The following KIF6 variants were observed in gnomAD, a reference collection of about 807,000 sequenced individuals.
The protein encoded by KIF6 is kinesin family member 6.
A neutral mutation model predicts 112.7 loss-of-function variants in KIF6; 106 were observed. The observed-to-expected ratio is 0.94, with a 90% CI of 0.80 to 1.11. KIF6 has a LOEUF of 1.11. Among genes scored for constraint, KIF6 ranks in the 50% least tolerant of loss-of-function variants. KIF6 has a pLI of 0.00. For missense variants in KIF6, 929 were observed against 964.0 expected (o/e 0.96, Z 0.48); for synonymous variants, 339 against 339.9 (o/e 1.00, Z 0.03).
At chr6:39,553,406 T>G (rs533648883) in intron 10 of KIF6, among the ~76,000 whole-genome samples, 1 of 152,208 alleles carries the variant, frequency 6.6e-6, no homozygotes, top group Non-Finnish European at 1.5e-5. Context: ...TCTTGATACT[T>G]TTAGTGATTT....
At chr6:39,618,558 T>C (rs947298698) in intron 5 of KIF6, among the ~76,000 whole-genome samples, 1 of 152,178 alleles carries the variant, frequency 6.6e-6, no homozygotes, top group African/African-American at 2.4e-5. Flanking sequence ...CAGAACAAAC[T>C]TTTTGTGGCA....
rs1367746388 is a variant in KIF6, at chr6:39,378,138, A to G, written c.1861+7484T>C. On this transcript the variant is annotated intron_variant, in intron 16 of 22. Coordinates refer to ENST00000287152, the MANE Select transcript of KIF6 (RefSeq NM_145027.6). The surrounding 1 kb of genome is among the most constrained non-coding windows in gnomAD (Gnocchi z 5.0). ...GCTCTGTTTTCACAGAAGTTGGGTC[A>G]AGGGGTAAACGCAGAGAAGCGTAAA... 6.6e-6 allele frequency among the ~76,000 whole-genome samples: 1 copy of G among 152,120 alleles called. No homozygotes were observed.
intron 5 of KIF6, among the ~76,000 whole-genome samples, chr6:39,613,670 G>C (rs942877921): frequency 2.2e-4 from 34 of 152,216 alleles, no homozygotes; most frequent in African/African-American, 7.5e-4. Flanking sequence ...TATTTTTTCT[G>C]TGTCATGATT....
chr6:39,433,623 G>A (rs1362402825), intron 13 of KIF6, among the ~76,000 whole-genome samples: 2 of 152,196 alleles, frequency 1.3e-5, no homozygotes, highest in Admixed American at 1.3e-4. Context: ...CACAGGTGAA[G>A]GCCATCAGAA....
chr6:39,577,734 C>T (rs988555963), intron 10 of KIF6, among the ~76,000 whole-genome samples: 2 of 152,224 alleles, frequency 1.3e-5, no homozygotes, highest in African/African-American at 2.4e-5. Flanking sequence ...CTGAGACCCA[C>T]AGCTCAAGAG....
At chr6:39,695,759 A>G (rs939389036) in intron 3 of KIF6, among the ~76,000 whole-genome samples, 2 of 152,206 alleles carry the variant, frequency 1.3e-5, no homozygotes, top group Admixed American at 1.3e-4. Flanking sequence ...AGAACTAAAA[A>G]TAGAATGACC....
intron 16 of KIF6, among the ~76,000 whole-genome samples, chr6:39,364,083 CAT>C (rs952011089): frequency 8.6e-5 from 13 of 150,830 alleles, no homozygotes; most frequent in African/African-American, 1.5e-4. Flanking sequence ...CAAAATATCA[CAT>C]GTGTCTGGAA....
intron 13 of KIF6, among the ~76,000 whole-genome samples, chr6:39,446,280 A>G (rs1455410291): frequency 2.6e-5 from 4 of 152,136 alleles, no homozygotes; most frequent in Non-Finnish European, 4.4e-5. Flanking sequence ...GCATCTCTCC[A>G]TTTTAGAACT....
At chr6:39,648,484 T>C (rs982242753) in intron 3 of KIF6, among the ~76,000 whole-genome samples, 1 of 152,162 alleles carries the variant, frequency 6.6e-6, no homozygotes, top group Non-Finnish European at 1.5e-5. Context: ...GTTTCCAGAG[T>C]GATCTGAAAG....
chr6:39,456,527 C>G (rs1371210887), intron 13 of KIF6, among the ~76,000 whole-genome samples: 1 of 86,340 alleles, frequency 1.2e-5, no homozygotes, highest in African/African-American at 5.2e-5. Flanking sequence ...ACAATATTAA[C>G]TTTAAATGTA....
At chr6:39,337,241 C>CT (rs1562103066) in intron 22 of KIF6, among the ~76,000 whole-genome samples, 4 of 66,654 alleles carry the variant, frequency 6.0e-5, no homozygotes, top group East Asian at 1.0e-3. Context: ...CTTTCTTTTT[C>CT]TTTCTTTTCT....
intron 13 of KIF6, among the ~76,000 whole-genome samples, chr6:39,479,011 G>C (rs1331840722): frequency 1.3e-5 from 2 of 151,898 alleles, no homozygotes; most frequent in Non-Finnish European, 2.9e-5. Context: ...TCCTTTGTTG[G>C]ATGTATAGAT....
chr6:39,372,761 C>T (rs1408063702), intron 16 of KIF6, among the ~76,000 whole-genome samples: 2 of 152,192 alleles, frequency 1.3e-5, no homozygotes, highest in Admixed American at 6.5e-5. Context: ...CCTGGGCAGG[C>T]TCCTGGCTCT....
Position 39,613,329 on chromosome 6 carries a change from G to A in KIF6, c.510-11C>T, listed in dbSNP as rs771060476. On this transcript the variant is annotated splice_polypyrimidine_tract_variant and intron_variant, in intron 5 of 22. Coordinates refer to ENST00000287152, the MANE Select transcript of KIF6 (RefSeq NM_145027.6). ...AGTATTGTCACTTTCCTAAGCAAAT[G>A]GGAAGCAAGAAAACAAGGTACTGCT... is the stretch of plus-strand genomic sequence containing the variant. 6.4e-6 allele frequency: 10 copies of A among 1,558,786 alleles called. No individual in the cohort carries two copies. In the African/African-American group the frequency reaches 1.4e-4, roughly 22 times the overall value.
chr6:39,581,150 A>G (rs1781267290), intron 9 of KIF6, among the ~76,000 whole-genome samples: 1 of 142,590 alleles, frequency 7.0e-6, no homozygotes. Context: ...TCCTCTTAGT[A>G]GCTTTACTTT....
chr6:39,548,477 C>G (rs1582107977), intron 10 of KIF6, among the ~76,000 whole-genome samples: 2 of 152,344 alleles, frequency 1.3e-5, no homozygotes, highest in East Asian at 3.9e-4. Flanking sequence ...GAATGAAGAT[C>G]AGCCTTTTGA....
rs550887864 is a variant in KIF6 at position 39,335,859 on chromosome 6, A to C, written c.*673T>G. 1 of 152,364 alleles carries C rather than the reference A, an allele frequency of 6.6e-6. No homozygotes were observed. The highest frequency in any genetic ancestry group is 1.5e-5 in the Non-Finnish European group (1 of 68,140). 9.4% of individuals were successfully genotyped at this position (152,364 alleles called of 1,614,324 possible). A position where few individuals can be genotyped will look rare whatever the true frequency, so the allele number is the denominator to read the frequency against. On this transcript the variant is annotated 3_prime_UTR_variant, in exon 23 of 23. Transcript: ENST00000287152. ...TCAGCAGAGCCCCTGGGAGCTGCCC[A>C]CTGTTCTCTGGGTGCTATGATGTCC... is the stretch of plus-strand genomic sequence containing the variant.
chr6:39,460,218 T>G (rs1773372728), intron 13 of KIF6, among the ~76,000 whole-genome samples: 1 of 127,892 alleles, frequency 7.8e-6, no homozygotes, highest in Non-Finnish European at 1.6e-5. Context: ...GTTCATGTCC[T>G]TTGTAGGGAC....
chr6:39,582,247 C>T (rs768694089), intron 9 of KIF6, among the ~76,000 whole-genome samples: 1 of 152,164 alleles, frequency 6.6e-6, no homozygotes, highest in Non-Finnish European at 1.5e-5. Flanking sequence ...GAGATTACTA[C>T]AGTTATGCCT....
Sources: allele counts gnomAD v4.1 joint callset (sites outside exome capture counted in the v4.1 genomes callset), GRCh38; gene constraint gnomAD v4.1.1; non-coding constraint Gnocchi (gnomAD v3.1); transcripts MANE v1.5; gene names NCBI Gene and HGNC (gene_info 2026-07-23, HGNC 2026-07-21).